The following TMEM132C variants were observed in gnomAD, a reference collection of about 807,000 sequenced individuals.
The protein encoded by TMEM132C is protein phosphatase 1, regulatory subunit 152.
Under a neutral mutation model 61.4 loss-of-function variants are expected in TMEM132C, and 29 were observed. The observed-to-expected ratio is 0.47, with a 90% CI of 0.35 to 0.64. TMEM132C has a LOEUF of 0.64. TMEM132C is among the 30% of genes least tolerant of loss of function. The probability of loss-of-function intolerance (pLI) is 0.00; values close to 1 mark genes in which losing one functional copy is unlikely to be tolerated. For missense variants in TMEM132C, 1,408 were observed against 1,476.9 expected (o/e 0.95, Z 0.76); for synonymous variants, 656 against 633.1 (o/e 1.04, Z -0.54).
rs538902914 is a variant in TMEM132C, at chr12:128,382,089, G to A, written c.86-32643G>A. Among the ~76,000 whole-genome samples, 26 of 150,680 alleles carry A rather than the reference G, an allele frequency of 1.7e-4. No homozygotes were observed. The South Asian group carries it at 4.6e-3, about 27-fold the overall frequency. ...AATAATACATTCATACTTTAATGGC[G>A]AAGCTGATTCCCCATGGCTCAGCCA... On this transcript the variant is annotated intron_variant, in intron 1 of 8. Coordinates refer to ENST00000435159, the MANE Select transcript of TMEM132C (RefSeq NM_001136103.3).
At chr12:128,503,655 C>A (rs1162194601) in intron 2 of TMEM132C, among the ~76,000 whole-genome samples, 1 of 152,184 alleles carries the variant, frequency 6.6e-6, no homozygotes, top group Non-Finnish European at 1.5e-5. Flanking sequence ...TGTATCCTTT[C>A]CTTTAATCCC....
At chr12:128,377,165 C>T (rs1874218543) in intron 1 of TMEM132C, among the ~76,000 whole-genome samples, 1 of 152,060 alleles carries the variant, frequency 6.6e-6, no homozygotes, top group Non-Finnish European at 1.5e-5. Context: ...AGCGATTCTC[C>T]TGCCTCAGAC....
At chr12:128,397,988 T>C (rs1278152140) in intron 1 of TMEM132C, among the ~76,000 whole-genome samples, 1 of 152,098 alleles carries the variant, frequency 6.6e-6, no homozygotes, top group Non-Finnish European at 1.5e-5. Flanking sequence ...CCATTCCTTA[T>C]CCTATCCCTC....
At chr12:128,419,721 G>A (rs1366852220) in intron 2 of TMEM132C, among the ~76,000 whole-genome samples, 1 of 152,116 alleles carries the variant, frequency 6.6e-6, no homozygotes, top group East Asian at 1.9e-4. Flanking sequence ...AAACAAAACA[G>A]TGGTTTTCCA....
At chr12:128,666,955 C>T (rs61940596) in intron 4 of TMEM132C, among the ~76,000 whole-genome samples, 8,053 of 152,148 alleles carry the variant, frequency 0.053, 310 homozygotes, top group African/African-American at 0.11. Flanking sequence ...CTGTAGTCCC[C>T]GCTACTCGGG....
At chr12:128,694,106 C>T in intron 6 of TMEM132C, 72 bp downstream of exon 6, 1 of 1,461,300 alleles carries the variant, frequency 6.8e-7, no homozygotes, top group Non-Finnish European at 9.3e-7. Flanking sequence ...CACTAAAGGA[C>T]CCAATGCTTA....
chr12:128,635,574 A>ACATATGG (rs1565998102), intron 4 of TMEM132C, among the ~76,000 whole-genome samples: 1 of 151,816 alleles, frequency 6.6e-6, no homozygotes, highest in African/African-American at 2.4e-5. Context: ...TTCCAAGCAC[A>ACATATGG]CATATGGGAG....
intron 1 of TMEM132C, among the ~76,000 whole-genome samples, chr12:128,385,950 C>T (rs1022934753): frequency 9.2e-5 from 14 of 152,174 alleles, no homozygotes; most frequent in Admixed American, 4.6e-4. Context: ...GTGAAGGCTA[C>T]CTCTTGATCA....
intron 3 of TMEM132C, among the ~76,000 whole-genome samples, chr12:128,595,791 C>T (rs900420791): frequency 1.3e-5 from 2 of 152,216 alleles, no homozygotes; most frequent in Non-Finnish European, 2.9e-5. Context: ...GGAAATCCAC[C>T]TGGTGACGTC....
chr12:128,348,583 A>G (rs1413468086), intron 1 of TMEM132C, among the ~76,000 whole-genome samples: 1 of 152,202 alleles, frequency 6.6e-6, no homozygotes, highest in Non-Finnish European at 1.5e-5. Flanking sequence ...GCTTTTGTGT[A>G]AAAATGACTG....
chr12:128,434,019 C>A (rs1445167932), intron 2 of TMEM132C, among the ~76,000 whole-genome samples: 1 of 152,188 alleles, frequency 6.6e-6, no homozygotes, highest in African/African-American at 2.4e-5. Flanking sequence ...TCCTGGATAG[C>A]AACACGGGCA....
intron 2 of TMEM132C, among the ~76,000 whole-genome samples, chr12:128,479,724 C>T (rs1450174014): frequency 1.3e-5 from 2 of 152,184 alleles, no homozygotes; most frequent in Admixed American, 6.5e-5. Context: ...AAGGTGGACC[C>T]GGGCCCCAGC....
At chr12:128,291,859 C>G (rs921289214) in intron 1 of TMEM132C, among the ~76,000 whole-genome samples, 4 of 152,216 alleles carry the variant, frequency 2.6e-5, no homozygotes, top group East Asian at 1.9e-4. Flanking sequence ...TGCTTTTCTC[C>G]TTTTCTTGCT....
intron 2 of TMEM132C, among the ~76,000 whole-genome samples, chr12:128,469,740 ATG>A (rs1330753743): frequency 6.6e-6 from 1 of 151,094 alleles, no homozygotes; most frequent in African/African-American, 2.4e-5. Flanking sequence ...ATATGCATTT[ATG>A]TGTGTGTATA....
At chr12:128,484,267 A>T (rs1429210834) in intron 2 of TMEM132C, among the ~76,000 whole-genome samples, 1 of 152,214 alleles carries the variant, frequency 6.6e-6, no homozygotes, top group Admixed American at 6.5e-5. Context: ...GTTTTATCAG[A>T]TCACAGAAAT....
intron 2 of TMEM132C, among the ~76,000 whole-genome samples, chr12:128,532,925 C>T (rs1223501173): frequency 6.6e-6 from 1 of 152,174 alleles, no homozygotes; most frequent in Non-Finnish European, 1.5e-5. Context: ...TCCTAAGACA[C>T]TGTTAGTTTC....
intron 2 of TMEM132C, among the ~76,000 whole-genome samples, chr12:128,418,353 G>T (rs747346166): frequency 1.3e-5 from 2 of 152,116 alleles, no homozygotes. Flanking sequence ...TACGGACGGC[G>T]TACACATTTC....
intron 5 of TMEM132C, among the ~76,000 whole-genome samples, chr12:128,682,469 G>C (rs1380233700): frequency 6.6e-6 from 1 of 152,212 alleles, no homozygotes; most frequent in Admixed American, 6.5e-5. Context: ...ATGGGAGAAC[G>C]GGGTACTCTC....
intron 7 of TMEM132C, 35 bp downstream of exon 7, chr12:128,696,138 G>A: frequency 6.5e-7 from 1 of 1,540,656 alleles, no homozygotes; most frequent in Non-Finnish European, 8.8e-7. Flanking sequence ...CCCCAGCACT[G>A]GGCATGTGTG....
Sources: gnomAD v4.1 joint callset for allele counts (sites outside exome capture counted in the v4.1 genomes callset) on GRCh38, gnomAD v4.1.1 for gene constraint, MANE v1.5 for transcripts, NCBI Gene and HGNC (gene_info 2026-07-23, HGNC 2026-07-21) for gene names.